Variants in EPB41L4A observed in about 807,000 individuals in gnomAD.
The protein encoded by EPB41L4A is band 4.1-like protein 4A.
A neutral mutation model predicts 108.6 loss-of-function variants in EPB41L4A; 100 were observed. The observed-to-expected ratio is 0.92, with a 90% CI of 0.78 to 1.09. The LOEUF (loss-of-function observed/expected upper bound fraction) is 1.09. Ranked by LOEUF, EPB41L4A falls within the 50% of genes least tolerant of loss-of-function variation. The pLI, the probability that EPB41L4A is intolerant of heterozygous loss-of-function variation, is 0.00. For synonymous variants in EPB41L4A, 319 were observed against 289.0 expected, an observed-to-expected ratio of 1.10 and a Z score of -1.05; for missense variants, 1,030 against 842.7, an observed-to-expected ratio of 1.22 and a Z score of -2.75.
intron 1 of EPB41L4A, among the ~76,000 whole-genome samples, chr5:112,404,015 C>A (rs1761940393): frequency 6.6e-6 from 1 of 152,186 alleles, no homozygotes; most frequent in Non-Finnish European, 1.5e-5. Flanking sequence ...AAGCTCTGTT[C>A]CATGCAATAA....
At chr5:112,159,327 C>A (rs1759764826), downstream of EPB41L4A, among the ~76,000 whole-genome samples, 1 of 152,168 alleles carries the variant, frequency 6.6e-6, no homozygotes, top group Admixed American at 6.5e-5. Flanking sequence ...GGTGCTAAAA[C>A]TGGTCTCTGG....
chr5:112,291,106 G>C (rs1367985072), intron 2 of EPB41L4A, among the ~76,000 whole-genome samples: 1 of 152,092 alleles, frequency 6.6e-6, no homozygotes, highest in South Asian at 2.1e-4. Flanking sequence ...ATGCAAATCA[G>C]AACTGACTTC....
chr5:112,320,893 A>T (rs6594587), intron 1 of EPB41L4A, among the ~76,000 whole-genome samples: 1,878 of 152,106 alleles, frequency 0.012, 46 homozygotes, highest in African/African-American at 0.042. Context: ...GTGGTCTAAA[A>T]CTCTGCTACT....
intron 2 of EPB41L4A, among the ~76,000 whole-genome samples, chr5:112,290,971 T>C (rs1753603092): frequency 6.6e-6 from 1 of 152,110 alleles, no homozygotes; most frequent in Non-Finnish European, 1.5e-5. Context: ...AGTCTGTTTC[T>C]CCCTAAATGA....
chr5:112,244,962 T>C (rs890779327), intron 9 of EPB41L4A, among the ~76,000 whole-genome samples: 1 of 152,138 alleles, frequency 6.6e-6, no homozygotes, highest in Admixed American at 6.5e-5. Flanking sequence ...GAAATACTAT[T>C]GCAAGAATTA....
intron 1 of EPB41L4A, among the ~76,000 whole-genome samples, chr5:112,385,127 C>G (rs1760425907): frequency 6.6e-6 from 1 of 152,198 alleles, no homozygotes; most frequent in African/African-American, 2.4e-5. Context: ...AGTACTCCCT[C>G]CTCAGCCTAC....
chr5:112,332,762 T>C (rs1756648203), intron 1 of EPB41L4A, among the ~76,000 whole-genome samples: 1 of 152,246 alleles, frequency 6.6e-6, no homozygotes. Context: ...ACAGATATGG[T>C]GGAAGTTTGG....
chr5:112,170,178 C>A (rs2150201856), intron 20 of EPB41L4A, 123 bp downstream of exon 20: 1 of 905,404 alleles, frequency 1.1e-6, no homozygotes, highest in Non-Finnish European at 1.7e-6. Context: ...GCTACTGTCA[C>A]CTAGTTTTGT....
At chr5:112,159,042 G>A (rs1334145627), downstream of EPB41L4A, among the ~76,000 whole-genome samples, 1 of 152,120 alleles carries the variant, frequency 6.6e-6, no homozygotes, top group African/African-American at 2.4e-5. Flanking sequence ...ATGAAGTCTG[G>A]AGTTACTTAC....
intron 2 of EPB41L4A, among the ~76,000 whole-genome samples, chr5:112,304,329 C>T (rs1754557298): frequency 6.6e-6 from 1 of 152,134 alleles, no homozygotes; most frequent in Non-Finnish European, 1.5e-5. Context: ...CAGGTGCTAA[C>T]ATTAAAGTAA....
downstream of EPB41L4A, among the ~76,000 whole-genome samples, chr5:112,159,809 A>G (rs1238154922): frequency 2.0e-5 from 3 of 152,174 alleles, no homozygotes; most frequent in Admixed American, 6.5e-5. Flanking sequence ...TATAAAAGAA[A>G]TATCTTATTA....
At position 112,358,735 on chromosome 5, in the gene EPB41L4A, C is replaced by T. The variant is rs571132205; in HGVS notation, c.100-51245G>A. 2.0e-5 allele frequency among the ~76,000 whole-genome samples: 3 copies of T among 152,246 alleles called. No individual in the cohort carries two copies. The South Asian group carries it at 6.2e-4, about 32-fold the overall frequency. On this transcript the variant is annotated intron_variant, in intron 1 of 22. Transcript: ENST00000261486. Reference sequence around the variant, plus strand: ...ACACAAAAGAAATGAGTGCATATATCCAGCAAAAGATATATACAAGAATGT... The same window carrying T: ...ACACAAAAGAAATGAGTGCATATATTCAGCAAAAGATATATACAAGAATGT...
chr5:112,392,100 G>A (rs1760985091), intron 1 of EPB41L4A, among the ~76,000 whole-genome samples: 1 of 152,094 alleles, frequency 6.6e-6, no homozygotes, highest in Non-Finnish European at 1.5e-5. Context: ...GGAACAACTG[G>A]TACCAGCCAC....
At position 112,164,965 on chromosome 5, in the gene EPB41L4A, C is replaced by A; in HGVS notation, c.*25G>T. The A allele has an allele frequency of 6.3e-7, 1 of 1,598,642 alleles. No individual in the cohort carries two copies. The highest frequency in any genetic ancestry group is 8.5e-7 in the Non-Finnish European group (1 of 1,174,468). On this transcript the variant is annotated 3_prime_UTR_variant, in exon 23 of 23. Coordinates refer to ENST00000261486, the MANE Select transcript of EPB41L4A (RefSeq NM_022140.5). Reference sequence around the variant, plus strand: ...CCAGTGGCGCACACAACCTTCCCACCCCTACCCTTGACCCTTCATCAGGAT... The same window carrying A: ...CCAGTGGCGCACACAACCTTCCCACACCTACCCTTGACCCTTCATCAGGAT...
intron 9 of EPB41L4A, among the ~76,000 whole-genome samples, chr5:112,252,440 T>A (rs1388245630): frequency 6.6e-6 from 1 of 152,122 alleles, no homozygotes; most frequent in South Asian, 2.1e-4. Context: ...ACAGGGTTGA[T>A]ACAACATGCA....
chr5:112,210,685 C>G (rs148019113), intron 12 of EPB41L4A, among the ~76,000 whole-genome samples: 1,995 of 152,048 alleles, frequency 0.013, 50 homozygotes, highest in African/African-American at 0.045. Flanking sequence ...TGTAGGAGGT[C>G]AGGCTTCCAC....
chr5:112,339,246 C>T (rs1757110636), intron 1 of EPB41L4A, among the ~76,000 whole-genome samples: 1 of 152,104 alleles, frequency 6.6e-6, no homozygotes, highest in African/African-American at 2.4e-5. Context: ...TATCACACCA[C>T]TGATGGGTTT....
intron 12 of EPB41L4A, among the ~76,000 whole-genome samples, chr5:112,227,077 C>T (rs1446576507): frequency 1.3e-5 from 2 of 151,890 alleles, no homozygotes; most frequent in African/African-American, 4.8e-5. Flanking sequence ...ATACTGCTCC[C>T]AACAGCTGCC....
At chr5:112,290,801 T>C (rs1753594170) in intron 2 of EPB41L4A, among the ~76,000 whole-genome samples, 1 of 152,194 alleles carries the variant, frequency 6.6e-6, no homozygotes, top group African/African-American at 2.4e-5. Flanking sequence ...CCAAGTAATC[T>C]GGCACAAAGG....
Sources: allele counts gnomAD v4.1 joint callset (sites outside exome capture counted in the v4.1 genomes callset), GRCh38; gene constraint gnomAD v4.1.1; transcripts MANE v1.5; gene names NCBI Gene and HGNC (gene_info 2026-07-23, HGNC 2026-07-21).